CLDN10: variants seen among roughly 807,000 people sequenced by gnomAD.
The protein encoded by CLDN10 is claudin-10.
A neutral mutation model predicts 22.9 loss-of-function variants in CLDN10; 15 were observed. The ratio of observed to expected loss-of-function variants is 0.65; its 90% CI spans 0.44 to 1.01. The LOEUF (loss-of-function observed/expected upper bound fraction) is 1.01, where lower values mean the gene tolerates loss of function less well. CLDN10 is among the 50% of genes least tolerant of loss of function. CLDN10 has a pLI of 0.00. For missense variants in CLDN10, 247 were observed against 287.8 expected, an observed-to-expected ratio of 0.86 and a Z score of 1.03; for synonymous variants, 114 against 111.4, an observed-to-expected ratio of 1.02 and a Z score of -0.15.
chr13:95,576,032 C>T (rs548338500), intron 3 of CLDN10, among the ~76,000 whole-genome samples: 3 of 152,188 alleles, frequency 2.0e-5, no homozygotes, highest in African/African-American at 4.8e-5. Flanking sequence ...ACCCTGCCTG[C>T]GACTCAGACC....
chr13:95,517,550 T>A (rs2043182423), intron 1 of CLDN10, among the ~76,000 whole-genome samples: 1 of 152,080 alleles, frequency 6.6e-6, no homozygotes, highest in Admixed American at 6.6e-5. Context: ...CAGAAAATTG[T>A]CAATGATGAT....
At chr13:95,518,857 G>A (rs1566313388) in intron 1 of CLDN10, among the ~76,000 whole-genome samples, 1 of 152,182 alleles carries the variant, frequency 6.6e-6, no homozygotes, top group African/African-American at 2.4e-5. Flanking sequence ...TGGACCCTAG[G>A]TAACTCAATG....
chr13:95,574,871 A>G (rs1177821749), intron 3 of CLDN10, among the ~76,000 whole-genome samples: 1 of 152,222 alleles, frequency 6.6e-6, no homozygotes, highest in Non-Finnish European at 1.5e-5. Context: ...AAGTTTCAAT[A>G]TGGCTTAACA....
At chr13:95,505,658 A>G (rs779572048) in intron 1 of CLDN10, among the ~76,000 whole-genome samples, 5 of 152,234 alleles carry the variant, frequency 3.3e-5, no homozygotes, top group Non-Finnish European at 5.9e-5. Flanking sequence ...GGCAGTGGGC[A>G]AAGCAGATGT....
intron 1 of CLDN10, among the ~76,000 whole-genome samples, chr13:95,530,515 G>A (rs1036830967): frequency 3.3e-5 from 5 of 152,104 alleles, no homozygotes; most frequent in African/African-American, 1.2e-4. Flanking sequence ...GCCCTTCCCT[G>A]CCTGAGTATA....
chr13:95,498,495 G>A (rs545617828), intron 1 of CLDN10, among the ~76,000 whole-genome samples: 12 of 152,180 alleles, frequency 7.9e-5, no homozygotes, highest in South Asian at 4.1e-4. Context: ...CCTGGGCTCA[G>A]GTAATCCTCC....
At chr13:95,465,603 G>T (rs149467755) in intron 1 of CLDN10, among the ~76,000 whole-genome samples, 1 of 152,098 alleles carries the variant, frequency 6.6e-6, no homozygotes, top group South Asian at 2.1e-4. Flanking sequence ...CCATGCCAGC[G>T]GCAAAGGAGA....
At chr13:95,436,885 A>T (rs2042277839) in intron 1 of CLDN10, among the ~76,000 whole-genome samples, 1 of 152,236 alleles carries the variant, frequency 6.6e-6, no homozygotes, top group South Asian at 2.1e-4. Flanking sequence ...ATAAATTGAG[A>T]AAAGAACTCA....
chr13:95,471,460 T>A (rs1266390636), intron 1 of CLDN10, among the ~76,000 whole-genome samples: 2 of 143,946 alleles, frequency 1.4e-5, no homozygotes, highest in African/African-American at 5.1e-5. Flanking sequence ...TATATTTTTT[T>A]TTTTTTTTTT....
intron 3 of CLDN10, among the ~76,000 whole-genome samples, chr13:95,570,883 T>G (rs974197692): frequency 9.3e-5 from 13 of 140,226 alleles, no homozygotes; most frequent in Admixed American, 5.0e-4. Flanking sequence ...TATATATATA[T>G]AGACCAGTTT....
intron 1 of CLDN10, among the ~76,000 whole-genome samples, chr13:95,506,788 A>G (rs561911957): frequency 3.9e-5 from 6 of 152,276 alleles, no homozygotes; most frequent in African/African-American, 1.4e-4. Flanking sequence ...CCTCAAAAGG[A>G]AGGGGAGGGA....
At chr13:95,467,905 A>C (rs1295238219) in intron 1 of CLDN10, among the ~76,000 whole-genome samples, 2 of 152,176 alleles carry the variant, frequency 1.3e-5, no homozygotes, top group Non-Finnish European at 2.9e-5. Context: ...CTCCCTCTGG[A>C]AGGCTGTCAG....
At chr13:95,476,503 C>T (rs1031910775) in intron 1 of CLDN10, among the ~76,000 whole-genome samples, 3 of 152,162 alleles carry the variant, frequency 2.0e-5, no homozygotes, top group Non-Finnish European at 4.4e-5. Context: ...CTAATCACCT[C>T]CCGAAGGCCC....
rs532502888 is a variant in CLDN10 at position 95,500,552 on chromosome 13, A to C, written c.215-59580A>C. Among the ~76,000 whole-genome samples the C allele has an allele frequency of 3.9e-5, 6 of 152,210 alleles. No homozygotes were observed. In the East Asian group the frequency reaches 1.2e-3, roughly 29 times the overall value. ...ATGCACAGCTTGTAGCTGAGTACAGAAGGATGTTTCAGGAATGTGTGGAGG... is the reference window on the plus strand; with the variant it reads ...ATGCACAGCTTGTAGCTGAGTACAGCAGGATGTTTCAGGAATGTGTGGAGG... On this transcript the variant is annotated intron_variant, in intron 1 of 4. Coordinates refer to the CLDN10 transcript ENST00000376873.
chr13:95,481,457 T>C (rs182770979), intron 1 of CLDN10, among the ~76,000 whole-genome samples: 1 of 152,186 alleles, frequency 6.6e-6, no homozygotes, highest in Admixed American at 6.5e-5. Context: ...CTGGTGAGGC[T>C]GGTCTTCAGA....
At chr13:95,463,325 T>TATATATG (rs1566282981) in intron 1 of CLDN10, among the ~76,000 whole-genome samples, 1 of 101,152 alleles carries the variant, frequency 9.9e-6, no homozygotes, top group Non-Finnish European at 2.1e-5. Context: ...TATATATATA[T>TATATATG]TTGCCTTTTT....
intron 1 of CLDN10, among the ~76,000 whole-genome samples, chr13:95,530,084 C>T (rs2043324548): frequency 6.6e-6 from 1 of 152,018 alleles, no homozygotes; most frequent in East Asian, 1.9e-4. Flanking sequence ...CCACAAACAC[C>T]AACCAGAAAG....
chr13:95,452,293 C>T (rs1156643506), intron 1 of CLDN10, among the ~76,000 whole-genome samples: 4 of 152,136 alleles, frequency 2.6e-5, no homozygotes, highest in Non-Finnish European at 5.9e-5. Context: ...CAAAATGTTC[C>T]CTTTGGGTAG....
At chr13:95,525,117 C>T (rs1566317090) in intron 1 of CLDN10, among the ~76,000 whole-genome samples, 3 of 152,130 alleles carry the variant, frequency 2.0e-5, no homozygotes, top group Admixed American at 6.5e-5. Flanking sequence ...CTCGGCCTCC[C>T]AAAGTGCTGG....
Sources: allele counts gnomAD v4.1 joint callset (sites outside exome capture counted in the v4.1 genomes callset), GRCh38; gene constraint gnomAD v4.1.1; transcripts MANE v1.5; gene names NCBI Gene and HGNC (gene_info 2026-07-23, HGNC 2026-07-21).